The following TJP1 variants were observed in gnomAD, a reference collection of about 807,000 sequenced individuals.
The protein encoded by TJP1 is tight junction protein 1.
TJP1 carries 43 observed loss-of-function variants against 194.2 expected under a neutral mutation model. The ratio of observed to expected loss-of-function variants is 0.22; its 90% CI spans 0.17 to 0.29. The LOEUF is 0.29. Ranked by LOEUF, TJP1 falls within the 10% of genes least tolerant of loss-of-function variation. The probability of loss-of-function intolerance (pLI) is 1.00; values close to 1 mark genes in which losing one functional copy is unlikely to be tolerated. For synonymous variants in TJP1, 801 were observed against 779.0 expected, an observed-to-expected ratio of 1.03 and a Z score of -0.47; for missense variants, 1,971 against 2,185.7, an observed-to-expected ratio of 0.90 and a Z score of 1.96.
intron 2 of TJP1, among the ~76,000 whole-genome samples, chr15:29,797,115 G>A (rs1236673409): frequency 1.3e-5 from 2 of 152,116 alleles, no homozygotes; most frequent in Non-Finnish European, 2.9e-5. Flanking sequence ...GATTGATAAA[G>A]GCAAAAATTA....
intron 27 of TJP1, among the ~76,000 whole-genome samples, chr15:29,702,266 A>C (rs545991951): frequency 6.6e-6 from 1 of 152,172 alleles, no homozygotes; most frequent in Non-Finnish European, 1.5e-5. Flanking sequence ...AAGCAAAAAA[A>C]CGAGACTGCA....
At chr15:29,932,558 G>GA (rs929324463) in intron 2 of TJP1, among the ~76,000 whole-genome samples, 11 of 150,904 alleles carry the variant, frequency 7.3e-5, no homozygotes, top group South Asian at 6.3e-4. Context: ...TTATGACCTG[G>GA]AAAAAAAAGG....
Position 29,719,068 on chromosome 15 carries a change from C to T in TJP1, c.3074G>A (p.Ser1025Asn). The T allele has an allele frequency of 6.2e-7, 1 of 1,614,148 alleles. No homozygotes were observed. The highest frequency in any genetic ancestry group is 8.5e-7 in the Non-Finnish European group (1 of 1,180,036). Residue 1025 changes from serine to asparagine, a missense_variant, in exon 21 of 28, where the codon AGT becomes AAT. Coordinates refer to ENST00000614355, the MANE Select transcript of TJP1 (RefSeq NM_001330239.4). ...QNHVLKQPAVSHPGHRPDKEP... is the reference protein window; with the variant it reads ...QNHVLKQPAVNHPGHRPDKEP... ...TTTGTCTGGCCTGTGCCCTGGGTGA[C>T]TAACGGCTGGCTGTTTCAAAACATG...
intron 2 of TJP1, among the ~76,000 whole-genome samples, chr15:29,877,896 T>C (rs1305316159): frequency 6.6e-6 from 1 of 152,012 alleles, no homozygotes; most frequent in Non-Finnish European, 1.5e-5. Context: ...CTTGAACTCC[T>C]GAACTCGTGA....
Position 29,718,278 on chromosome 15 carries a change from A to T in TJP1, c.3864T>A (p.Thr1288=). The change falls in exon 21 of 28, where the codon ACT becomes ACA. Residue 1288 remains threonine, a synonymous_variant. Coordinates refer to ENST00000614355, the MANE Select transcript of TJP1 (RefSeq NM_001330239.4). The stretch of plus-strand genomic sequence containing the variant: ...AAGACATATTTACCTTAAAACTGCC[A>T]GTGTCATTTACATCCTTCTTGGTCT... ...SLETKKDVND[T]GSFKPPEVAS... 6.2e-7 allele frequency: 1 copy of T among 1,612,856 alleles called. No individual in the cohort carries two copies. Among genetic ancestry groups the T allele is most frequent in the East Asian group, 2.2e-5 (1 of 44,880 alleles).
chr15:29,821,077 C>T (rs1432924827), intron 1 of TJP1, among the ~76,000 whole-genome samples: 1 of 152,200 alleles, frequency 6.6e-6, no homozygotes, highest in East Asian at 1.9e-4. Context: ...TTTTACTCCT[C>T]ACATTTCTGT....
chr15:29,764,432 G>C (rs1017046534), intron 5 of TJP1, among the ~76,000 whole-genome samples: 1 of 152,136 alleles, frequency 6.6e-6, no homozygotes, highest in African/African-American at 2.4e-5. Flanking sequence ...AATAAAGAAA[G>C]GGGCAAAAGA....
At chr15:29,732,583 C>T in intron 14 of TJP1, 48 bp downstream of exon 14, 2 of 1,612,884 alleles carry the variant, frequency 1.2e-6, no homozygotes, top group South Asian at 1.1e-5. Context: ...CTTTCTTAAA[C>T]ATATTGACGT....
intron 2 of TJP1, among the ~76,000 whole-genome samples, chr15:29,794,235 A>AT (rs2048271244): frequency 6.6e-6 from 1 of 152,144 alleles, no homozygotes; most frequent in Non-Finnish European, 1.5e-5. Context: ...GAGGACTTTG[A>AT]TTTTGTCATA....
At chr15:29,909,122 A>C (rs2053929598) in intron 2 of TJP1, among the ~76,000 whole-genome samples, 1 of 149,088 alleles carries the variant, frequency 6.7e-6, no homozygotes, top group Non-Finnish European at 1.5e-5. Context: ...GCGCCACTGC[A>C]CTCCAGCCTG....
intron 8 of TJP1, among the ~76,000 whole-genome samples, chr15:29,758,178 T>C (rs1382063535): frequency 1.3e-5 from 2 of 152,102 alleles, no homozygotes; most frequent in Non-Finnish European, 2.9e-5. Flanking sequence ...AATAGTTAAG[T>C]TTTTGGGAAG....
chr15:29,848,347 T>C (rs1246910008), intron 2 of TJP1, among the ~76,000 whole-genome samples: 1 of 152,226 alleles, frequency 6.6e-6, no homozygotes, highest in Non-Finnish European at 1.5e-5. Flanking sequence ...TAGGTCTCTT[T>C]ACAGCTTTAT....
At position 29,701,619 on chromosome 15, in the gene TJP1, A is replaced by G; in HGVS notation, c.5283T>C (p.Val1761=). The part of the protein sequence containing the change: ...DPNYLVGANC[V]SVLIDHF ...GTTAAAAGTGGTCAATAAGGACAGA[A>G]ACACAGTTTGCTCCAACGAGATAAT... Residue 1761 remains valine (V), a synonymous_variant, in exon 28 of 28, where the codon GTT becomes GTC. Coordinates refer to ENST00000614355, the MANE Select transcript of TJP1 (RefSeq NM_001330239.4). The G allele has an allele frequency of 6.2e-7, 1 of 1,614,126 alleles. No homozygotes were observed. Among genetic ancestry groups the G allele is most frequent in the Non-Finnish European group, 8.5e-7 (1 of 1,179,980 alleles).
intron 9 of TJP1, 70 bp downstream of exon 9, chr15:29,742,572 C>A (rs1182989506): frequency 2.8e-6 from 4 of 1,420,666 alleles, no homozygotes; most frequent in Non-Finnish European, 3.7e-6. Context: ...TTAAAATCTT[C>A]TGTAAATCCT....
chr15:29,705,398 C>A, intron 26 of TJP1, 130 bp downstream of exon 26: 1 of 936,786 alleles, frequency 1.1e-6, no homozygotes, highest in Non-Finnish European at 1.6e-6. Context: ...GTCCCCAGGG[C>A]ACCCCTCGCT....
chr15:29,741,995 G>A (rs1261338490), intron 9 of TJP1, among the ~76,000 whole-genome samples: 1 of 152,108 alleles, frequency 6.6e-6, no homozygotes, highest in East Asian at 1.9e-4. Flanking sequence ...AGCTGAGGTG[G>A]GAGGACTGTT....
intron 1 of TJP1, among the ~76,000 whole-genome samples, chr15:29,965,872 G>C (rs2056315911): frequency 6.6e-6 from 1 of 152,130 alleles, no homozygotes; most frequent in Non-Finnish European, 1.5e-5. Flanking sequence ...ATGAATGTTT[G>C]CAAGTTAACA....
intron 2 of TJP1, among the ~76,000 whole-genome samples, chr15:29,947,160 C>T (rs2055314766): frequency 6.6e-6 from 1 of 152,122 alleles, no homozygotes; most frequent in South Asian, 2.1e-4. Flanking sequence ...ACTTCATGAA[C>T]ACACCTGAAA....
chr15:29,803,800 C>T (rs1367515065), intron 1 of TJP1, among the ~76,000 whole-genome samples: 2 of 152,060 alleles, frequency 1.3e-5, no homozygotes, highest in Non-Finnish European at 2.9e-5. Flanking sequence ...TCTCACCATT[C>T]CACATCAAAA....
Sources: gnomAD v4.1 joint callset for allele counts (sites outside exome capture counted in the v4.1 genomes callset) on GRCh38, gnomAD v4.1.1 for gene constraint, MANE v1.5 for transcripts, NCBI Gene and HGNC (gene_info 2026-07-23, HGNC 2026-07-21) for gene names.